Variants in APOO observed in about 807,000 individuals in gnomAD.
APOO encodes apolipoprotein O.
In APOO, 11 loss-of-function variants were observed where a neutral mutation model predicts 23.1. The observed-to-expected ratio is 0.48, with a 90% CI of 0.30 to 0.79. APOO has a LOEUF of 0.79. APOO is among the 30% of genes least tolerant of loss of function. The pLI is 0.07. For synonymous variants in APOO, 59 were observed against 54.8 expected (o/e 1.08, Z -0.34); for missense variants, 160 against 142.7 (o/e 1.12, Z -0.62).
chrX:23,863,311 G>A (rs1925181071), intron 5 of APOO, among the ~76,000 whole-genome samples: 1 of 112,047 alleles, frequency 8.9e-6, no homozygotes, highest in African/African-American at 3.2e-5. Flanking sequence ...ACTCCAGCCT[G>A]GGTGACAGAG....
chrX:23,867,503 C>G, intron 5 of APOO, among the ~76,000 whole-genome samples: 1 of 112,134 alleles, frequency 8.9e-6, no homozygotes. Flanking sequence ...GCTGATGCCA[C>G]GCTTCTTGTA....
intron 7 of APOO, among the ~76,000 whole-genome samples, chrX:23,854,751 G>A (rs1002917977): frequency 9.1e-6 from 1 of 110,400 alleles, no homozygotes; most frequent in Non-Finnish European, 1.9e-5. Context: ...TGGAACTCCC[G>A]ACCTCAGGTG....
At chrX:23,844,202 A>G (rs1924129139) in intron 7 of APOO, among the ~76,000 whole-genome samples, 1 of 111,957 alleles carries the variant, frequency 8.9e-6, no homozygotes, top group African/African-American at 3.2e-5. Context: ...TCTATCCTAT[A>G]TGGCAGGCCA....
chrX:23,905,475 C>T (rs143340838), intron 1 of APOO, among the ~76,000 whole-genome samples: 1,614 of 110,858 alleles, frequency 0.015, 22 homozygotes, highest in African/African-American at 0.045. Context: ...AACTGAGCTT[C>T]CAGCACTTCC....
chrX:23,861,925 T>C (rs1371879482), intron 5 of APOO, among the ~76,000 whole-genome samples: 3 of 106,542 alleles, frequency 2.8e-5, no homozygotes, highest in Non-Finnish European at 5.8e-5. Flanking sequence ...AGCCTCAGCC[T>C]CCTGAGTAGC....
At chrX:23,890,303 CCTCT>C (rs767957742) in intron 1 of APOO, among the ~76,000 whole-genome samples, 5 of 111,723 alleles carry the variant, frequency 4.5e-5, no homozygotes, top group Non-Finnish European at 3.8e-5. Context: ...CCCCTAATTC[CCTCT>C]CTAACAACTA....
chrX:23,857,220 A>G (rs1476201133), intron 6 of APOO, among the ~76,000 whole-genome samples: 3 of 103,853 alleles, frequency 2.9e-5, no homozygotes, highest in Admixed American at 1.1e-4. Context: ...CTGCACATGT[A>G]CACCTAACGC....
intron 7 of APOO, among the ~76,000 whole-genome samples, chrX:23,851,500 C>T (rs1211184307): frequency 8.9e-6 from 1 of 112,006 alleles, no homozygotes; most frequent in Non-Finnish European, 1.9e-5. Context: ...ACGGTAATTT[C>T]CTAGTTTTAA....
intron 1 of APOO, among the ~76,000 whole-genome samples, 157 bp downstream of exon 1, chrX:23,907,532 ACCAGT>A (rs1209590602): frequency 8.9e-6 from 1 of 112,289 alleles, no homozygotes; most frequent in East Asian, 2.8e-4. Context: ...TCCCCAGTAG[ACCAGT>A]GAATGAACCG....
At chrX:23,884,648 G>A (rs1396454168) in intron 1 of APOO, among the ~76,000 whole-genome samples, 1 of 111,656 alleles carries the variant, frequency 9.0e-6, no homozygotes, top group African/African-American at 3.3e-5. Flanking sequence ...GGGCTGGGGG[G>A]AGTTGGGGAG....
intron 1 of APOO, chrX:23,883,686 G>A (rs1385258141): frequency 1.8e-5 from 2 of 111,973 alleles, no homozygotes; most frequent in African/African-American, 6.5e-5. Flanking sequence ...ATGAACACAA[G>A]CTGCCTACTG....
chrX:23,907,665 A>T, intron 1 of APOO, 29 bp downstream of exon 1: 1 of 1,150,454 alleles, frequency 8.7e-7, no homozygotes, highest in African/African-American at 1.8e-5. Flanking sequence ...GGGGGCGGTG[A>T]CAGCTGTGAC....
At chrX:23,872,715 T>C (rs1925673964) in intron 4 of APOO, among the ~76,000 whole-genome samples, 1 of 110,556 alleles carries the variant, frequency 9.0e-6, no homozygotes, top group Non-Finnish European at 1.9e-5. Context: ...TCTTTCAGTT[T>C]ATTTACAATA....
chrX:23,870,417 T>C (rs762547947), intron 4 of APOO, among the ~76,000 whole-genome samples: 2 of 112,007 alleles, frequency 1.8e-5, no homozygotes, highest in Admixed American at 1.9e-4. Flanking sequence ...TGTAAGCTCC[T>C]TAATGATAGA....
chrX:23,893,088 T>C (rs1193063204), intron 1 of APOO, among the ~76,000 whole-genome samples: 2 of 110,066 alleles, frequency 1.8e-5, no homozygotes, highest in East Asian at 2.8e-4. Context: ...CAGGCTACAC[T>C]GTTGTCCTCA....
intron 6 of APOO, among the ~76,000 whole-genome samples, chrX:23,857,059 G>C (rs1366165929): frequency 1.8e-5 from 2 of 110,784 alleles, no homozygotes; most frequent in East Asian, 5.6e-4. Context: ...TGGACACAAA[G>C]AAGGGAACAG....
At chrX:23,890,459 A>C (rs1229918613) in intron 1 of APOO, among the ~76,000 whole-genome samples, 1 of 112,198 alleles carries the variant, frequency 8.9e-6, no homozygotes, top group Admixed American at 9.5e-5. Context: ...TAGTATGTTT[A>C]GTTTGTAAAA....
chrX:23,907,721 T>G lies in APOO; in HGVS notation c.-19A>C. The G allele has an allele frequency of 8.6e-7, 1 of 1,160,098 alleles. No homozygotes were observed. Among genetic ancestry groups the G allele is most frequent in the Non-Finnish European group, 1.1e-6 (1 of 870,458 alleles). On this transcript the variant is annotated 5_prime_UTR_variant, in exon 1 of 9. Transcript: ENST00000379226. ...TGAACATGTCGCTGGCAGCGGAGGCTCCGGCAGGGTCACCCCGGCCTCGGC... is the reference window on the plus strand; with the variant it reads ...TGAACATGTCGCTGGCAGCGGAGGCGCCGGCAGGGTCACCCCGGCCTCGGC...
At chrX:23,863,560 AAACT>A (rs1206734296) in intron 5 of APOO, among the ~76,000 whole-genome samples, 1 of 111,796 alleles carries the variant, frequency 8.9e-6, no homozygotes, top group Non-Finnish European at 1.9e-5. Context: ...GTGCCCAACC[AAACT>A]GTCACATGGT....
Sources: gnomAD v4.1 joint callset for allele counts (sites outside exome capture counted in the v4.1 genomes callset) on GRCh38, gnomAD v4.1.1 for gene constraint, MANE v1.5 for transcripts, NCBI Gene and HGNC (gene_info 2026-07-23, HGNC 2026-07-21) for gene names.